KIAA1328: variants seen among roughly 807,000 people sequenced by gnomAD.
The protein encoded by KIAA1328 is protein hinderin.
KIAA1328 carries 52 observed loss-of-function variants against 68.1 expected under a neutral mutation model. That is an observed-to-expected ratio of 0.76 (90% CI 0.61 to 0.96). The LOEUF is 0.96. Ranked by LOEUF, KIAA1328 falls within the 40% of genes least tolerant of loss-of-function variation. KIAA1328 has a pLI of 0.00. For missense variants in KIAA1328, 641 were observed against 677.6 expected, an observed-to-expected ratio of 0.95 and a Z score of 0.60; for synonymous variants, 232 against 239.4, an observed-to-expected ratio of 0.97 and a Z score of 0.28.
At chr18:36,829,469 AG>A in intron 1 of KIAA1328, 1 of 1,276,186 alleles carries the variant, frequency 7.8e-7, no homozygotes, top group African/African-American at 1.6e-5. Context: ...CCTTGAGTCC[AG>A]GCTCAGTCCA....
intron 6 of KIAA1328, among the ~76,000 whole-genome samples, chr18:37,029,579 C>T (rs569802054): frequency 9.9e-5 from 15 of 152,024 alleles, no homozygotes; most frequent in African/African-American, 3.4e-4. Flanking sequence ...TTGCCAGGTA[C>T]GTGTCAAGTT....
chr18:36,963,792 T>C (rs895043460), intron 6 of KIAA1328, among the ~76,000 whole-genome samples: 1 of 152,234 alleles, frequency 6.6e-6, no homozygotes, highest in Non-Finnish European at 1.5e-5. Flanking sequence ...ATCGTTGTTA[T>C]ATCATTCATC....
At chr18:37,112,411 A>G (rs2654543) in intron 7 of KIAA1328, among the ~76,000 whole-genome samples, 66,779 of 152,072 alleles carry the variant, frequency 0.44, 16,659 homozygotes, top group African/African-American at 0.69. Context: ...GGCAAACAGC[A>G]TCTGGAGTGG....
intron 5 of KIAA1328, chr18:36,895,719 T>C: frequency 2.2e-6 from 1 of 455,736 alleles, no homozygotes; most frequent in Non-Finnish European, 4.4e-6. Context: ...AATTCATATG[T>C]TGAAGCTCTA....
intron 7 of KIAA1328, among the ~76,000 whole-genome samples, chr18:37,100,514 G>A (rs2057575352): frequency 6.6e-6 from 1 of 152,228 alleles, no homozygotes. Flanking sequence ...GGTAAACAAA[G>A]CGGCCAGGAG....
chr18:36,851,384 G>A (rs1184685885), intron 4 of KIAA1328, among the ~76,000 whole-genome samples: 1 of 152,124 alleles, frequency 6.6e-6, no homozygotes, highest in East Asian at 1.9e-4. Flanking sequence ...ATGGATTGCT[G>A]TTCATTCTAA....
At chr18:36,968,396 T>G (rs1249228297) in intron 6 of KIAA1328, among the ~76,000 whole-genome samples, 1 of 152,058 alleles carries the variant, frequency 6.6e-6, no homozygotes, top group South Asian at 2.1e-4. Flanking sequence ...GTGACACCCG[T>G]AGGCTAAAAA....
chr18:36,974,842 C>A (rs1055590739), intron 6 of KIAA1328, among the ~76,000 whole-genome samples: 5 of 152,156 alleles, frequency 3.3e-5, no homozygotes, highest in Non-Finnish European at 5.9e-5. Flanking sequence ...GACTCTGGCT[C>A]AAAAACTGTG....
chr18:36,880,065 A>T (rs886648064), intron 4 of KIAA1328, among the ~76,000 whole-genome samples: 4 of 152,070 alleles, frequency 2.6e-5, no homozygotes, highest in African/African-American at 9.7e-5. Context: ...TGTTCCAGGC[A>T]CCACTGGGGT....
At chr18:36,958,875 G>T (rs4544305) in intron 5 of KIAA1328, among the ~76,000 whole-genome samples, 148 of 150,202 alleles carry the variant, frequency 9.9e-4, no homozygotes, top group African/African-American at 3.4e-3. Flanking sequence ...TTGGTTACTT[G>T]TACTTTTAAG....
At chr18:37,219,061 A>C (rs1599630131) in intron 9 of KIAA1328, among the ~76,000 whole-genome samples, 1 of 152,192 alleles carries the variant, frequency 6.6e-6, no homozygotes, top group East Asian at 1.9e-4. Flanking sequence ...TCCTTCTAAC[A>C]GTCAGGTGTC....
chr18:37,163,657 A>C (rs1033895568), intron 8 of KIAA1328, among the ~76,000 whole-genome samples: 12 of 152,174 alleles, frequency 7.9e-5, no homozygotes, highest in Non-Finnish European at 1.6e-4. Context: ...AAATGATGTG[A>C]GTACTCTTCA....
At chr18:36,906,501 T>A (rs2049227468) in intron 5 of KIAA1328, among the ~76,000 whole-genome samples, 1 of 152,192 alleles carries the variant, frequency 6.6e-6, no homozygotes, top group Non-Finnish European at 1.5e-5. Context: ...AAAATTCGTC[T>A]ATATTTTTTC....
At chr18:37,029,698 G>A (rs1450273419) in intron 6 of KIAA1328, among the ~76,000 whole-genome samples, 1 of 152,122 alleles carries the variant, frequency 6.6e-6, no homozygotes, top group Non-Finnish European at 1.5e-5. Context: ...TTTTCTTTTG[G>A]TAATTTTGTC....
intron 6 of KIAA1328, among the ~76,000 whole-genome samples, chr18:37,048,566 C>T (rs932303766): frequency 1.3e-5 from 2 of 150,156 alleles, no homozygotes; most frequent in Non-Finnish European, 3.0e-5. Context: ...AAACCCTTTT[C>T]ATGGAACATT....
chr18:36,938,016 G>T (rs2050570220), intron 5 of KIAA1328, among the ~76,000 whole-genome samples: 1 of 152,096 alleles, frequency 6.6e-6, no homozygotes, highest in East Asian at 1.9e-4. Context: ...CACTTAGGTT[G>T]ATTCTGTGTC....
intron 7 of KIAA1328, among the ~76,000 whole-genome samples, chr18:37,069,720 A>G (rs189056051): frequency 3.3e-5 from 5 of 152,228 alleles, no homozygotes; most frequent in African/African-American, 1.2e-4. Context: ...CAAATTATCT[A>G]TTGGATAATC....
At chr18:37,000,194 A>T (rs1207525060) in intron 6 of KIAA1328, among the ~76,000 whole-genome samples, 1 of 152,180 alleles carries the variant, frequency 6.6e-6, no homozygotes, top group Admixed American at 6.5e-5. Context: ...ACCAAAAGTG[A>T]GCAGGAGTGG....
chr18:36,924,819 A>G (rs1164267328), intron 5 of KIAA1328: 1 of 152,240 alleles, frequency 6.6e-6, no homozygotes, highest in East Asian at 1.9e-4. Context: ...TGGTTCCCAA[A>G]AGAACCCAAA....
Sources: allele counts gnomAD v4.1 joint callset (sites outside exome capture counted in the v4.1 genomes callset), GRCh38; gene constraint gnomAD v4.1.1; transcripts MANE v1.5; gene names NCBI Gene and HGNC (gene_info 2026-07-23, HGNC 2026-07-21).